Variants in NUP43 observed in about 807,000 individuals in gnomAD.
The protein encoded by NUP43 is nucleoporin Nup43.
A neutral mutation model predicts 47.3 loss-of-function variants in NUP43; 32 were observed. The ratio of observed to expected loss-of-function variants is 0.68; its 90% confidence interval spans 0.51 to 0.91. The LOEUF is 0.91. NUP43 is among the 40% of genes least tolerant of loss of function. The pLI is 0.00. For missense variants in NUP43, 444 were observed against 453.9 expected, an observed-to-expected ratio of 0.98 and a Z score of 0.20; for synonymous variants, 147 against 158.4, an observed-to-expected ratio of 0.93 and a Z score of 0.54.
In NUP43 at chr6:149,726,396, C is replaced by CAAAAAAA. The variant is rs11305807; in HGVS notation, c.*566_*572dup. On this transcript the variant is annotated 3_prime_UTR_variant, in exon 8 of 8. Transcript: ENST00000340413. ...ACTCCAGCAGAGCAAGACTCTGCCT[C>CAAAAAAA]AAAAAAAAAAAAAAAAAAAAATTGA... 1 of 94,638 alleles carries CAAAAAAA rather than the reference C, an allele frequency of 1.1e-5. No homozygotes were observed. Among genetic ancestry groups the CAAAAAAA allele is most frequent in the Non-Finnish European group, 2.2e-5 (1 of 46,006 alleles). The allele number at this position is 94,638 out of a possible 1,614,324, so 5.9% of individuals were successfully genotyped here. A position where few individuals can be genotyped will look rare whatever the true frequency, so the allele number is the denominator to read the frequency against.
In NUP43 at chr6:149,736,044, G is replaced by A. The variant is rs899918851; in HGVS notation, c.790+427C>T. On this transcript the variant is annotated intron_variant, in intron 6 of 7. Transcript: ENST00000340413. ...TGTAATCCCAGCACTTTAGGAGGCCGAGCTGGGCAGATCACCTCAGGTCAG... is the reference window on the plus strand; with the variant it reads ...TGTAATCCCAGCACTTTAGGAGGCCAAGCTGGGCAGATCACCTCAGGTCAG... Among the ~76,000 whole-genome samples, 4 of 149,558 alleles carry A rather than the reference G, an allele frequency of 2.7e-5. 1 individual carries two copies. The highest frequency in any genetic ancestry group is 4.2e-4 in the South Asian group (2 of 4,782).
At chr6:149,745,198 A>C (rs1785906387) in intron 2 of NUP43, among the ~76,000 whole-genome samples, 1 of 152,016 alleles carries the variant, frequency 6.6e-6, no homozygotes, top group Non-Finnish European at 1.5e-5. Context: ...CAGGAAATAG[A>C]GACCATCGTG....
intron 4 of NUP43, among the ~76,000 whole-genome samples, chr6:149,741,598 C>T (rs1234482171): frequency 2.0e-5 from 3 of 152,018 alleles, no homozygotes; most frequent in Non-Finnish European, 2.9e-5. Context: ...CTCTGCCTCC[C>T]GGGTTTAAGT....
At chr6:149,728,338 GT>G (rs1784882860) in intron 7 of NUP43, 14 of 985,066 alleles carry the variant, frequency 1.4e-5, no homozygotes, top group Non-Finnish European at 1.7e-5. Context: ...GTTCAAGACT[GT>G]GCGGTTAGGG....
chr6:149,731,381 G>A (rs1785028201), intron 7 of NUP43: 4 of 295,150 alleles, frequency 1.4e-5, no homozygotes, highest in South Asian at 1.3e-4. Flanking sequence ...CCAACATGGT[G>A]AAACCCCATC....
At chr6:149,736,221 G>A (rs1012859390) in intron 6 of NUP43, among the ~76,000 whole-genome samples, 2 of 151,808 alleles carry the variant, frequency 1.3e-5, no homozygotes, top group Non-Finnish European at 2.9e-5. Flanking sequence ...AGGTTGCGGT[G>A]GGCCAAGATA....
upstream of NUP43, among the ~76,000 whole-genome samples, chr6:149,748,559 C>T (rs1478875417): frequency 6.6e-6 from 1 of 152,088 alleles, no homozygotes; most frequent in Non-Finnish European, 1.5e-5. Flanking sequence ...CCTGTAATCC[C>T]AGCACTTTGG....
In NUP43 at chr6:149,746,427, C is replaced by T; in HGVS notation, c.69G>A (p.Pro23=). 1 of 1,614,144 alleles carries T rather than the reference C, an allele frequency of 6.2e-7. No individual in the cohort carries two copies. The change falls in exon 1 of 8, where the codon CCG becomes CCA. Residue 23 remains proline (P), a synonymous_variant. Coordinates refer to ENST00000340413, the MANE Select transcript of NUP43 (RefSeq NM_198887.3). The part of the protein sequence containing the change: ...ISKTRWRPLP[P]GSLQTAETFA... ...ACGTCTCCGCGGTCTGTAAACTTCC[C>T]GGAGGCAGCGGTCGCCAGCGGGTTT...
In NUP43 at chr6:149,746,481, A is replaced by G; in HGVS notation, c.15T>C (p.Tyr5=). ...TGATTTTCTGGGACACAAACTTCGCATAAATTTCCTCCATGCCGAAAGCGG... is the reference window on the plus strand; with the variant it reads ...TGATTTTCTGGGACACAAACTTCGCGTAAATTTCCTCCATGCCGAAAGCGG... MEEI[Y]AKFVSQKISK... The change falls in exon 1 of 8, where the codon TAT becomes TAC. Residue 5 remains tyrosine (Y), a synonymous_variant. Transcript: ENST00000340413. 1 of 1,614,230 alleles carries G rather than the reference A, an allele frequency of 6.2e-7. No homozygotes were observed. The highest frequency in any genetic ancestry group is 8.5e-7 in the Non-Finnish European group (1 of 1,180,042).
chr6:149,730,204 T>C (rs529138838), intron 7 of NUP43, among the ~76,000 whole-genome samples: 1 of 151,924 alleles, frequency 6.6e-6, no homozygotes, highest in Non-Finnish European at 1.5e-5. Flanking sequence ...AGACGGGGTT[T>C]CTCCATGTTG....
intron 7 of NUP43, chr6:149,728,242 T>G: frequency 1.0e-6 from 1 of 978,326 alleles, no homozygotes. Flanking sequence ...TTTTTCACAG[T>G]GTCTAATACT....
At chr6:149,729,443 C>G (rs1025011007) in intron 7 of NUP43, 29 of 747,440 alleles carry the variant, frequency 3.9e-5, no homozygotes, top group Non-Finnish European at 4.2e-5. Context: ...AAGGGAGAAG[C>G]AGCTCCTTCC....
intron 2 of NUP43, 67 bp from the exon 3 acceptor site, chr6:149,743,782 T>C (rs961901109): frequency 3.0e-5 from 28 of 923,910 alleles, no homozygotes; most frequent in Admixed American, 6.3e-5. Flanking sequence ...CATTTGTTTA[T>C]TTAACTCAAT....
At chr6:149,733,663 C>T (rs1785171700) in intron 6 of NUP43, among the ~76,000 whole-genome samples, 1 of 151,930 alleles carries the variant, frequency 6.6e-6, no homozygotes, top group Non-Finnish European at 1.5e-5. Flanking sequence ...CCAGGCTGGT[C>T]TCAAACAACT....
intron 1 of NUP43, 125 bp downstream of exon 1, chr6:149,746,251 A>T (rs972523645): frequency 1.4e-6 from 2 of 1,437,214 alleles, no homozygotes; most frequent in Non-Finnish European, 1.9e-6. Context: ...CGCCTGAGAC[A>T]GGGGTCCGGG....
At chr6:149,738,010 C>T (rs1389465895) in intron 5 of NUP43, among the ~76,000 whole-genome samples, 3 of 151,396 alleles carry the variant, frequency 2.0e-5, no homozygotes, top group Admixed American at 6.6e-5. Context: ...CTTAATGATA[C>T]CAAAAAAAAT....
chr6:149,731,831 C>T, intron 6 of NUP43, 96 bp from the exon 7 acceptor site: 1 of 1,264,586 alleles, frequency 7.9e-7, no homozygotes, highest in Non-Finnish European at 1.1e-6. Flanking sequence ...CATTATCCTC[C>T]ATCACATACC....
At chr6:149,736,231 A>T (rs557611094) in intron 6 of NUP43, among the ~76,000 whole-genome samples, 131 of 147,422 alleles carry the variant, frequency 8.9e-4, no homozygotes, top group African/African-American at 3.1e-3. Flanking sequence ...GGGCCAAGAT[A>T]GCGCCATTGC....
At chr6:149,739,282 GTTTTCT>G (rs577216858) in intron 4 of NUP43, among the ~76,000 whole-genome samples, 109 of 151,512 alleles carry the variant, frequency 7.2e-4, no homozygotes, top group Non-Finnish European at 1.3e-3. Context: ...CTGGCCTACT[GTTTTCT>G]TTTTCTTTTT....
Sources: gnomAD v4.1 joint callset for allele counts (sites outside exome capture counted in the v4.1 genomes callset) on GRCh38, gnomAD v4.1.1 for gene constraint, MANE v1.5 for transcripts, NCBI Gene and HGNC (gene_info 2026-07-23, HGNC 2026-07-21) for gene names.